The following ANKRD44 variants were observed in gnomAD, a reference collection of about 807,000 sequenced individuals.
ANKRD44 encodes ankyrin repeat domain 44.
A neutral mutation model predicts 116.0 loss-of-function variants in ANKRD44; 35 were observed. That is an observed-to-expected ratio of 0.30 (90% CI 0.23 to 0.40). The LOEUF is 0.40. Among genes scored for constraint, ANKRD44 ranks in the 10% least tolerant of loss-of-function variants. The pLI is 1.00. For missense variants in ANKRD44, 1,014 were observed against 1,242.6 expected, an observed-to-expected ratio of 0.82 and a Z score of 2.77; for synonymous variants, 435 against 461.8, an observed-to-expected ratio of 0.94 and a Z score of 0.74.
chr2:197,264,942 AT>A (rs911891716), intron 1 of ANKRD44, among the ~76,000 whole-genome samples: 5 of 152,152 alleles, frequency 3.3e-5, no homozygotes, highest in African/African-American at 4.8e-5. Flanking sequence ...AAAGTTCTCA[AT>A]TTTTTAATGG....
At chr2:197,167,589 C>T (rs1208379697) in intron 2 of ANKRD44, among the ~76,000 whole-genome samples, 1 of 152,140 alleles carries the variant, frequency 6.6e-6, no homozygotes, top group Admixed American at 6.5e-5. Context: ...TGAAGCCCAC[C>T]AGAATGCATC....
chr2:197,059,902 C>T (rs554445720), intron 16 of ANKRD44, among the ~76,000 whole-genome samples: 1 of 152,330 alleles, frequency 6.6e-6, no homozygotes, highest in African/African-American at 2.4e-5. Flanking sequence ...TTTCTCTACA[C>T]TCTCCATCCT....
At chr2:197,284,061 A>C (rs1284682248) in intron 1 of ANKRD44, among the ~76,000 whole-genome samples, 1 of 152,166 alleles carries the variant, frequency 6.6e-6, no homozygotes, top group Non-Finnish European at 1.5e-5. Context: ...GCTGACCTCT[A>C]ATTTACTGAA....
downstream of ANKRD44, among the ~76,000 whole-genome samples, chr2:196,982,150 A>G (rs2125865768): frequency 7.1e-6 from 1 of 141,710 alleles, no homozygotes; most frequent in East Asian, 2.1e-4. Flanking sequence ...ATCTCTAAGC[A>G]AGAGGATTTT....
intron 16 of ANKRD44, among the ~76,000 whole-genome samples, chr2:197,046,427 T>A (rs4850750): frequency 0.15 from 22,488 of 152,162 alleles, 1,987 homozygotes; most frequent in Admixed American, 0.19. Context: ...GCAGAAATGC[T>A]TTACTGGGTC....
At chr2:197,258,706 G>A (rs1296156393) in intron 1 of ANKRD44, among the ~76,000 whole-genome samples, 1 of 152,146 alleles carries the variant, frequency 6.6e-6, no homozygotes, top group Non-Finnish European at 1.5e-5. Context: ...ATTCCCAACA[G>A]CAAAGCACAA....
At chr2:197,184,522 T>A (rs900294698) in intron 2 of ANKRD44, among the ~76,000 whole-genome samples, 1 of 150,802 alleles carries the variant, frequency 6.6e-6, no homozygotes, top group East Asian at 2.0e-4. Context: ...GTGCCTGTAA[T>A]CCCAGCTACT....
At chr2:197,120,942 G>T (rs1830316) in intron 8 of ANKRD44, among the ~76,000 whole-genome samples, 135,943 of 145,494 alleles carry the variant, frequency 0.93, 63,224 homozygotes, top group East Asian at 0.99. Context: ...TTTTTTTTTT[G>T]TTTTTGAGAC....
Position 197,171,996 on chromosome 2 carries a change from CTTCTT to C in ANKRD44, c.111+15022_111+15026del, listed in dbSNP as rs1366393164. On this transcript the variant is annotated intron_variant, in intron 2 of 27. Transcript: ENST00000282272. Reference sequence around the variant, plus strand: ...TATTATTACCATGTCCGTTATTTTTCTTCTTTTTTTTTTTTTTTTTTGAGATAATG... The same window carrying C: ...TATTATTACCATGTCCGTTATTTTTCTTTTTTTTTTTTTTTTGAGATAATG... 5.4e-3 allele frequency among the ~76,000 whole-genome samples: 157 copies of C among 29,326 alleles called. 5 individuals are homozygous for C. Among genetic ancestry groups the C allele is most frequent in the African/African-American group, 6.8e-3 (127 of 18,774 alleles). 19.2% of individuals were successfully genotyped at this position (29,326 alleles called of 152,430 possible).
intron 16 of ANKRD44, among the ~76,000 whole-genome samples, chr2:197,051,489 G>C (rs1390416776): frequency 1.3e-5 from 2 of 152,184 alleles, no homozygotes; most frequent in East Asian, 3.8e-4. Flanking sequence ...AAACTCCTGG[G>C]CTCAAACAAT....
At chr2:197,043,612 T>C (rs574557218) in intron 16 of ANKRD44, among the ~76,000 whole-genome samples, 11 of 152,310 alleles carry the variant, frequency 7.2e-5, no homozygotes, top group African/African-American at 2.6e-4. Flanking sequence ...ATGTGGGGCA[T>C]CAAATATGTT....
intron 1 of ANKRD44, among the ~76,000 whole-genome samples, chr2:197,296,768 T>C (rs527745940): frequency 6.6e-6 from 1 of 152,230 alleles, no homozygotes; most frequent in Non-Finnish European, 1.5e-5. Flanking sequence ...GTTTAAATTA[T>C]CTGCTCTTTA....
At chr2:197,291,605 T>C (rs752718562) in intron 1 of ANKRD44, among the ~76,000 whole-genome samples, 4 of 152,190 alleles carry the variant, frequency 2.6e-5, no homozygotes, top group Non-Finnish European at 5.9e-5. Context: ...GAAAGTGGAA[T>C]AGAAGTATAA....
chr2:197,286,894 A>G (rs192820363), intron 1 of ANKRD44, among the ~76,000 whole-genome samples: 4 of 152,308 alleles, frequency 2.6e-5, no homozygotes, highest in Admixed American at 2.6e-4. Flanking sequence ...GGAAAAGATA[A>G]AACTACGGAG....
Position 197,000,459 on chromosome 2 carries a change from T to C in ANKRD44, c.2479A>G (p.Ile827Val), listed in dbSNP as rs1479617768. The C allele has an allele frequency of 1.9e-6, 3 of 1,614,154 alleles. No homozygotes were observed. The highest frequency in any genetic ancestry group is 2.5e-6 in the Non-Finnish European group (3 of 1,180,010). ...CTACAACTGACGATACTGGAATCTA[T>C]GGCCCCAAGCAGCAATGATGCACAA... is the stretch of plus-strand genomic sequence containing the variant. ...GNCASLLLGA[I>V]DSSIVSCRDD... Residue 827 changes from isoleucine to valine, a missense_variant, in exon 23 of 28, where the codon ATA becomes GTA. Physicochemically the swap from Ile to Val is conservative, Grantham distance 29 (BLOSUM62 3). Transcript: ENST00000282272.
At chr2:197,286,574 C>T (rs996347783) in intron 1 of ANKRD44, among the ~76,000 whole-genome samples, 2 of 151,740 alleles carry the variant, frequency 1.3e-5, no homozygotes, top group Non-Finnish European at 2.9e-5. Context: ...ATGGGGGTCT[C>T]GCTATGTTGT....
chr2:197,066,783 A>G (rs1295181203), intron 16 of ANKRD44, among the ~76,000 whole-genome samples: 1 of 152,240 alleles, frequency 6.6e-6, no homozygotes, highest in Non-Finnish European at 1.5e-5. Flanking sequence ...GAAATAAAAA[A>G]GGACACAAAC....
intron 1 of ANKRD44, among the ~76,000 whole-genome samples, chr2:197,205,039 ACCAGGATTC>A (rs888884375): frequency 2.6e-5 from 4 of 152,238 alleles, no homozygotes; most frequent in Admixed American, 6.5e-5. Context: ...AGGCTACATA[ACCAGGATTC>A]CTGCTTTGGG....
chr2:196,992,476 A>C (rs1400434934), intron 27 of ANKRD44, among the ~76,000 whole-genome samples: 1 of 152,218 alleles, frequency 6.6e-6, no homozygotes, highest in African/African-American at 2.4e-5. Flanking sequence ...TATCAGCTGA[A>C]CAAACCTTCA....
Sources: allele counts gnomAD v4.1 joint callset (sites outside exome capture counted in the v4.1 genomes callset), GRCh38; gene constraint gnomAD v4.1.1; transcripts MANE v1.5; gene names NCBI Gene and HGNC (gene_info 2026-07-23, HGNC 2026-07-21).